CSF2RA: variants seen among roughly 807,000 people sequenced by gnomAD.
The protein encoded by CSF2RA is granulocyte-macrophage colony-stimulating factor receptor subunit alpha.
CSF2RA carries 42 observed loss-of-function variants against 51.6 expected under a neutral mutation model. That is an observed-to-expected ratio of 0.81 (90% CI 0.64 to 1.05). CSF2RA has a LOEUF of 1.05. CSF2RA is among the 50% of genes least tolerant of loss of function. CSF2RA has a pLI of 0.00. For missense variants in CSF2RA, 530 were observed against 501.1 expected (o/e 1.06, Z -0.55); for synonymous variants, 222 against 193.0 (o/e 1.15, Z -1.24).
At chrX:1,306,864 A>G (rs28420568) in intron 12 of CSF2RA, among the ~76,000 whole-genome samples, 4,430 of 149,746 alleles carry the variant, frequency 0.03, 227 homozygotes, top group African/African-American at 0.1. Context: ...CAGAGAGGGG[A>G]GAGAGAGAGA....
the CSF2RA span, among the ~76,000 whole-genome samples, chrX:1,315,813 A>AGATAGAT: frequency 4.2e-5 from 5 of 119,764 alleles, 1 homozygote; most frequent in African/African-American, 1.4e-4. Flanking sequence ...ATAGATAGAT[A>AGATAGAT]GATAGATTAG....
downstream of CSF2RA, among the ~76,000 whole-genome samples, chrX:1,314,929 A>T (rs1270161246): frequency 2.9e-4 from 25 of 87,110 alleles, 3 homozygotes; most frequent in East Asian, 4.3e-3. Context: ...GCCCAACCGC[A>T]CTGCACTTGC....
intron 6 of CSF2RA, chrX:1,289,175 G>C (rs2148390262): frequency 4.4e-6 from 2 of 455,664 alleles, no homozygotes; most frequent in South Asian, 4.2e-5. Context: ...CCAGGCTGGA[G>C]TGTAGTGATG....
At chrX:1,317,420 TG>T in the CSF2RA span, among the ~76,000 whole-genome samples, 1 of 149,692 alleles carries the variant, frequency 6.7e-6, no homozygotes, top group Admixed American at 6.7e-5. Context: ...CCCGGCTAAT[TG>T]TGTATTTTTA....
chrX:1,300,884 C>T (rs1158143318), intron 10 of CSF2RA, among the ~76,000 whole-genome samples: 4 of 152,088 alleles, frequency 2.6e-5, no homozygotes, highest in East Asian at 1.9e-4. Flanking sequence ...CCAGGTGCAG[C>T]GGTTCACGCC....
intron 1 of CSF2RA, among the ~76,000 whole-genome samples, chrX:1,273,068 C>T (rs1485703839): frequency 1.3e-5 from 2 of 151,910 alleles, no homozygotes; most frequent in African/African-American, 4.8e-5. Flanking sequence ...GATCCACACG[C>T]CTCAGCCTCC....
the CSF2RA span, among the ~76,000 whole-genome samples, chrX:1,323,365 C>G: frequency 1.3e-5 from 2 of 151,696 alleles, no homozygotes; most frequent in Non-Finnish European, 2.9e-5. Flanking sequence ...GCCACCGCAC[C>G]TGGCCCCAGT....
At chrX:1,318,023 G>C in the CSF2RA span, among the ~76,000 whole-genome samples, 10 of 145,900 alleles carry the variant, frequency 6.9e-5, no homozygotes, top group East Asian at 4.1e-4. Flanking sequence ...GAGTCTCACT[G>C]TGTCACCCAG....
At chrX:1,319,236 T>A in the CSF2RA span, among the ~76,000 whole-genome samples, 1 of 149,776 alleles carries the variant, frequency 6.7e-6, no homozygotes, top group Non-Finnish European at 1.5e-5. Context: ...CCTCAGGTGA[T>A]CCACCCGGCT....
intron 9 of CSF2RA, among the ~76,000 whole-genome samples, chrX:1,300,004 TGAG>T (rs1236906322): frequency 3.8e-4 from 57 of 150,410 alleles, no homozygotes; most frequent in Non-Finnish European, 6.6e-4. Context: ...GATCACGAGG[TGAG>T]GAGATCGAGA....
At chrX:1,271,863 C>A (rs1238616898) in intron 1 of CSF2RA, among the ~76,000 whole-genome samples, 5 of 152,004 alleles carry the variant, frequency 3.3e-5, no homozygotes, top group African/African-American at 1.2e-4. Context: ...AAGCTCTTCT[C>A]GAGGGCTGAA....
chrX:1,292,233 G>A (rs867809742), intron 7 of CSF2RA, among the ~76,000 whole-genome samples: 3 of 129,290 alleles, frequency 2.3e-5, no homozygotes, highest in Admixed American at 8.1e-5. Flanking sequence ...CCACATTTAC[G>A]TGGACACAGT....
chrX:1,299,989 G>A (rs1420184199), intron 9 of CSF2RA, among the ~76,000 whole-genome samples: 5 of 151,460 alleles, frequency 3.3e-5, no homozygotes, highest in Non-Finnish European at 5.9e-5. Context: ...AGGCCGAGGC[G>A]GTCGGATCAC....
chrX:1,290,200 TTGTTTTGTGTTTTTGTTTTGTGTTTTTG>T (rs1236844166), intron 6 of CSF2RA, 109 bp from the exon 7 acceptor site: 2 of 719,812 alleles, frequency 2.8e-6, no homozygotes, highest in Admixed American at 3.1e-5. Context: ...TGGGTTTTTT[TTGTTTTGTGTTTTTGTTTTGTGTTTTTG>T]TGTTTTGTGT....
chrX:1,279,990 G>A (rs1372734395), intron 2 of CSF2RA, among the ~76,000 whole-genome samples: 21 of 151,710 alleles, frequency 1.4e-4, no homozygotes, highest in South Asian at 6.2e-4. Context: ...AGGTTTCACC[G>A]TATTAGCCAA....
chrX:1,318,644 G>A, the CSF2RA span, among the ~76,000 whole-genome samples: 2 of 151,318 alleles, frequency 1.3e-5, no homozygotes, highest in South Asian at 2.1e-4. Context: ...CTGACCGGGC[G>A]CGGTGGCTCA....
At chrX:1,271,291 G>A (rs185371446) in intron 1 of CSF2RA, among the ~76,000 whole-genome samples, 5 of 63,644 alleles carry the variant, frequency 7.9e-5, no homozygotes, top group South Asian at 4.5e-4. Flanking sequence ...CTGAGTAGCT[G>A]GGATTACAGG....
chrX:1,273,039 C>T (rs28857276), intron 1 of CSF2RA, among the ~76,000 whole-genome samples: 19,093 of 149,560 alleles, frequency 0.13, 1,529 homozygotes, highest in East Asian at 0.3. Context: ...AGGCTGGTCT[C>T]GAACTCCTGA....
At position 1,288,536 on chromosome X, in the gene CSF2RA, T is replaced by C; in HGVS notation, c.237T>C (p.Cys79=). The change falls in exon 5 of 13, where the codon TGT becomes TGC. Residue 79 remains cysteine, a synonymous_variant. Coordinates refer to ENST00000381529, the MANE Select transcript of CSF2RA (RefSeq NM_172245.4). The stretch of plus-strand genomic sequence containing the variant: ...TTCTTCAGCTCAGTAACAACGAATG[T>C]TCGTGCACATTTCGTGAAATTTGTC... ...VVEPRLSNNE[C]SCTFREICLH... is the part of the protein sequence containing the mutation. 1 of 1,613,926 alleles carries C rather than the reference T, an allele frequency of 6.2e-7. No individual in the cohort carries two copies. The highest frequency in any genetic ancestry group is 8.5e-7 in the Non-Finnish European group (1 of 1,179,850).
Sources: allele counts gnomAD v4.1 joint callset (sites outside exome capture counted in the v4.1 genomes callset), GRCh38; gene constraint gnomAD v4.1.1; transcripts MANE v1.5; gene names NCBI Gene and HGNC (gene_info 2026-07-23, HGNC 2026-07-21).